KIF13A: variants seen among roughly 807,000 people sequenced by gnomAD.
KIF13A encodes the protein kinesin-like protein KIF13A.
KIF13A carries 79 observed loss-of-function variants against 212.2 expected under a neutral mutation model. That is an observed-to-expected ratio of 0.37 (90% CI 0.31 to 0.45). KIF13A has a LOEUF of 0.45. Ranked by LOEUF, KIF13A falls within the 20% of genes least tolerant of loss-of-function variation. The pLI, the probability that KIF13A is intolerant of heterozygous loss-of-function variation, is 1.00. For synonymous variants in KIF13A, 789 were observed against 808.6 expected, an observed-to-expected ratio of 0.98 and a Z score of 0.41; for missense variants, 1,901 against 2,209.0, an observed-to-expected ratio of 0.86 and a Z score of 2.79.
At chr6:17,859,884 C>T (rs1768571444) in intron 4 of KIF13A, among the ~76,000 whole-genome samples, 1 of 151,774 alleles carries the variant, frequency 6.6e-6, no homozygotes, top group Non-Finnish European at 1.5e-5. Flanking sequence ...ATCCACCCGC[C>T]TTGGCCTCCC....
In KIF13A at chr6:17,796,714, C is replaced by T. The variant is rs1313154357; in HGVS notation, c.2897G>A (p.Trp966Ter). 1 of 1,588,848 alleles carries T rather than the reference C, an allele frequency of 6.3e-7. No individual in the cohort carries two copies. The highest frequency in any genetic ancestry group is 1.8e-5 in the Admixed American group (1 of 57,070). Reference protein sequence around the residue: ...HRCAGNGSSIWEVDSLHAKTR... With the variant: ...HRCAGNGSSI ...CTTAGCATGAAGAGAATCGACCTCC[C>T]AGATGGAGCTGCCATTTCCAGCACA... The change falls in exon 23 of 39, where the codon TGG (tryptophan) becomes TAG (stop). Residue 966 changes from tryptophan to a stop codon, truncating the protein, a stop_gained. Coordinates refer to ENST00000259711, the MANE Select transcript of KIF13A (RefSeq NM_022113.6). LOFTEE classifies it high-confidence loss of function.
chr6:17,866,592 C>T (rs1769392115), intron 4 of KIF13A, among the ~76,000 whole-genome samples: 1 of 151,988 alleles, frequency 6.6e-6, no homozygotes, highest in Non-Finnish European at 1.5e-5. Flanking sequence ...GGTGCTTTGA[C>T]AATCTTATCA....
Position 17,828,627 on chromosome 6 carries a change from G to A in KIF13A, c.1402-257C>T, listed in dbSNP as rs1765175528. 6.6e-6 allele frequency among the ~76,000 whole-genome samples: 1 copy of A among 152,104 alleles called. No individual in the cohort carries two copies. Among genetic ancestry groups the A allele is most frequent in the African/African-American group, 2.4e-5 (1 of 41,418 alleles). ...GTTATTGTTTTTAACACAGGAAATT[G>A]GACTTGACAGTAGAATACTTTGAGT... is the stretch of plus-strand genomic sequence containing the variant. On this transcript the variant is annotated intron_variant, in intron 13 of 38. Coordinates refer to ENST00000259711, the MANE Select transcript of KIF13A (RefSeq NM_022113.6). This position sits in a 1 kb window ranked among gnomAD's most constrained non-coding sequence, Gnocchi z 4.3.
chr6:17,791,459 GA>G (rs150482830), intron 25 of KIF13A, among the ~76,000 whole-genome samples: 1,958 of 144,550 alleles, frequency 0.014, 47 homozygotes, highest in African/African-American at 0.046. Flanking sequence ...TGGCAGCAAA[GA>G]AAAAAAAAGC....
rs201837483 is a variant in KIF13A, at chr6:17,855,901, G to T, written c.313+129C>A. 1.5e-6 allele frequency: 1 copy of T among 672,750 alleles called. No individual in the cohort carries two copies. Among genetic ancestry groups the T allele is most frequent in the Non-Finnish European group, 2.6e-6 (1 of 385,914 alleles). 41.7% of individuals were successfully genotyped at this position (672,750 alleles called of 1,614,324 possible). Reference sequence around the variant, plus strand: ...TAATGTTTTTAGTTTTTATAAAGACGGGTCTTACTATGTTGCCCAGGCTGG... The same window carrying T: ...TAATGTTTTTAGTTTTTATAAAGACTGGTCTTACTATGTTGCCCAGGCTGG... On this transcript the variant is annotated intron_variant, in intron 5 of 38. Transcript: ENST00000259711. The surrounding 1 kb of genome is among the most constrained non-coding windows in gnomAD (Gnocchi z 4.1).
At position 17,888,950 on chromosome 6, in the gene KIF13A, T is replaced by C. The variant is rs1196198069; in HGVS notation, c.159+9218A>G. Among the ~76,000 whole-genome samples the C allele has an allele frequency of 2.0e-5, 3 of 152,194 alleles. No individual in the cohort carries two copies. Among genetic ancestry groups the C allele is most frequent in the Admixed American group, 6.5e-5 (1 of 15,282 alleles). The stretch of plus-strand genomic sequence containing the variant: ...TACCAAGTCTTCTAAATCTAGCATA[T>C]ATTTTGTACTTAATCTCGAGCAACA... On this transcript the variant is annotated intron_variant, in intron 3 of 38. Coordinates refer to ENST00000259711, the MANE Select transcript of KIF13A (RefSeq NM_022113.6). The surrounding 1 kb of genome is among the most constrained non-coding windows in gnomAD (Gnocchi z 4.8).
chr6:17,845,196 C>CA (rs1174620780), intron 9 of KIF13A, among the ~76,000 whole-genome samples: 1 of 152,106 alleles, frequency 6.6e-6, no homozygotes, highest in Admixed American at 6.6e-5. Context: ...ACCATGAGAA[C>CA]AGCATGAGGG....
Position 17,768,118 on chromosome 6 carries a change from T to C in KIF13A, c.4581+2996A>G, listed in dbSNP as rs953073064. On this transcript the variant is annotated intron_variant, in intron 38 of 38. Transcript: ENST00000259711. This position sits in a 1 kb window ranked among gnomAD's most constrained non-coding sequence, Gnocchi z 5.4. ...TGAGTTATTGCCAATTAAGGGAGGA[T>C]TTAATTGGCTTAAACTCATATTTTT... Among the ~76,000 whole-genome samples, 1 of 152,170 alleles carries C rather than the reference T, an allele frequency of 6.6e-6. No individual in the cohort carries two copies. Among genetic ancestry groups the C allele is most frequent in the Non-Finnish European group, 1.5e-5 (1 of 68,036 alleles).
chr6:17,799,239 C>A lies in KIF13A; in HGVS notation c.2790+27G>T. ...GCACCAATTTCTGCTGCTTCCTACA[C>A]AGCTCATTTGGTAATGGCATTTGTA... On this transcript the variant is annotated intron_variant, in intron 22 of 38. Transcript: ENST00000259711. The surrounding 1 kb of genome is among the most constrained non-coding windows in gnomAD (Gnocchi z 4.4). The A allele has an allele frequency of 6.6e-7, 1 of 1,509,496 alleles. No individual in the cohort carries two copies. Among genetic ancestry groups the A allele is most frequent in the South Asian group, 1.4e-5 (1 of 72,328 alleles). The allele number at this position is 1,509,496 out of a possible 1,614,324, so 93.5% of individuals were successfully genotyped here.
In KIF13A at chr6:17,961,983, A is replaced by G. The variant is rs946115593; in HGVS notation, c.146+25071T>C. On this transcript the variant is annotated intron_variant, in intron 2 of 38. Transcript: ENST00000259711. The surrounding 1 kb of genome is among the most constrained non-coding windows in gnomAD (Gnocchi z 4.1). Reference sequence around the variant, plus strand: ...GGCAATGGTTTTTCTTTTGTGTGGCACCTACATACCAATGTGTCTTATAAT... The same window carrying G: ...GGCAATGGTTTTTCTTTTGTGTGGCGCCTACATACCAATGTGTCTTATAAT... 6.6e-6 allele frequency among the ~76,000 whole-genome samples: 1 copy of G among 152,196 alleles called. No homozygotes were observed. Among genetic ancestry groups the G allele is most frequent in the African/African-American group, 2.4e-5 (1 of 41,456 alleles).
intron 38 of KIF13A, chr6:17,770,868 G>T: frequency 3.3e-6 from 2 of 602,390 alleles, no homozygotes; most frequent in Non-Finnish European, 5.0e-6. Context: ...AAGGCCAGAA[G>T]CAATAAAAGT....
intron 2 of KIF13A, among the ~76,000 whole-genome samples, chr6:17,955,169 T>G (rs1389911507): frequency 6.6e-6 from 1 of 152,158 alleles, no homozygotes; most frequent in African/African-American, 2.4e-5. Context: ...TCAGAATCAC[T>G]GAATATGAGA....
Position 17,783,128 on chromosome 6 carries a change from T to C in KIF13A, c.3544+518A>G, listed in dbSNP as rs774245426. Among the ~76,000 whole-genome samples the C allele has an allele frequency of 3.3e-5, 5 of 152,334 alleles. No individual in the cohort carries two copies. Among genetic ancestry groups the C allele is most frequent in the Non-Finnish European group, 7.3e-5 (5 of 68,030 alleles). On this transcript the variant is annotated intron_variant, in intron 29 of 38. Transcript: ENST00000259711. This position sits in a 1 kb window ranked among gnomAD's most constrained non-coding sequence, Gnocchi z 4.3. ...CACTGCAAACTCAGCAACTCTGCCGTTGTTTTCTACACATGGGGTTCCAGT... is the reference window on the plus strand; with the variant it reads ...CACTGCAAACTCAGCAACTCTGCCGCTGTTTTCTACACATGGGGTTCCAGT...
At chr6:17,986,500 G>A (rs61706692) in intron 2 of KIF13A, among the ~76,000 whole-genome samples, 9,419 of 151,816 alleles carry the variant, frequency 0.062, 365 homozygotes, top group East Asian at 0.18. Context: ...TTACATTGAG[G>A]CATTATCTCA....
Position 17,787,818 on chromosome 6 carries a change from C to A in KIF13A, c.3319G>T (p.Glu1107Ter), listed in dbSNP as rs1273519098. Residue 1107 changes from glutamate to a stop codon, truncating the protein, a stop_gained, in exon 27 of 39, where the codon GAA becomes TAA. Coordinates refer to ENST00000259711, the MANE Select transcript of KIF13A (RefSeq NM_022113.6). LOFTEE classifies it high-confidence loss of function. This position sits in a 1 kb window ranked among gnomAD's most constrained non-coding sequence, Gnocchi z 4.6. ...TTTTTTATCTGTTCATCCAGGTATTCTCGTCGTTTAATGAGTGCATCTGAC... is the reference window on the plus strand; with the variant it reads ...TTTTTTATCTGTTCATCCAGGTATTATCGTCGTTTAATGAGTGCATCTGAC... ...RWSDALIKRR[E>*]YLDEQIKKVS... 1 of 1,613,406 alleles carries A rather than the reference C, an allele frequency of 6.2e-7. No individual in the cohort carries two copies. The highest frequency in any genetic ancestry group is 8.5e-7 in the Non-Finnish European group (1 of 1,179,504).
chr6:17,785,315 C>G lies in KIF13A; in HGVS notation c.3488+200G>C, dbSNP rs59334299. 0.17 allele frequency among the ~76,000 whole-genome samples: 26,280 copies of G among 152,128 alleles called. 2,572 individuals are homozygous for G. Among genetic ancestry groups the G allele is most frequent in the Admixed American group, 0.27 (4,054 of 15,278 alleles). ...TTCCTGGCCAGGTAATCAATGCTCTCTCGCTTCCTGTGGGAGAAAGTTGGC... is the reference window on the plus strand; with the variant it reads ...TTCCTGGCCAGGTAATCAATGCTCTGTCGCTTCCTGTGGGAGAAAGTTGGC... On this transcript the variant is annotated intron_variant, in intron 28 of 38. Transcript: ENST00000259711. This position sits in a 1 kb window ranked among gnomAD's most constrained non-coding sequence, Gnocchi z 5.8.
intron 38 of KIF13A, chr6:17,770,540 G>A (rs1044539953): frequency 1.3e-5 from 2 of 152,254 alleles, no homozygotes; most frequent in African/African-American, 4.8e-5. Context: ...AAGCCATCCT[G>A]AATGCAAGGC....
chr6:17,760,420 T>C (rs1415065051), downstream of KIF13A: 1 of 155,596 alleles, frequency 6.4e-6, no homozygotes, highest in East Asian at 1.9e-4. Context: ...AGACATACTA[T>C]AGATACACAT....
chr6:17,943,744 A>C (rs565937850), intron 2 of KIF13A, among the ~76,000 whole-genome samples: 3 of 152,284 alleles, frequency 2.0e-5, no homozygotes, highest in African/African-American at 7.2e-5. Context: ...ATAAAGCCAA[A>C]TACTACTGGT....
Sources: allele counts gnomAD v4.1 joint callset (sites outside exome capture counted in the v4.1 genomes callset), GRCh38; gene constraint gnomAD v4.1.1; non-coding constraint Gnocchi (gnomAD v3.1); transcripts MANE v1.5; gene names NCBI Gene and HGNC (gene_info 2026-07-23, HGNC 2026-07-21).